PELI2: variants seen among roughly 807,000 people sequenced by gnomAD.
The protein encoded by PELI2 is E3 ubiquitin-protein ligase pellino homolog 2.
PELI2 carries 23 observed loss-of-function variants against 42.3 expected under a neutral mutation model. The observed-to-expected ratio is 0.54, with a 90% CI of 0.39 to 0.77. The LOEUF (loss-of-function observed/expected upper bound fraction) is 0.77. PELI2 is among the 30% of genes least tolerant of loss of function. The probability of loss-of-function intolerance (pLI) is 0.00; values close to 1 mark genes in which losing one functional copy is unlikely to be tolerated. For synonymous variants in PELI2, 245 were observed against 212.2 expected (o/e 1.15, Z -1.34); for missense variants, 463 against 553.2 (o/e 0.84, Z 1.64).
intron 1 of PELI2, among the ~76,000 whole-genome samples, chr14:56,155,242 T>G (rs1036538360): frequency 7.7e-5 from 4 of 51,704 alleles, no homozygotes; most frequent in Non-Finnish European, 1.5e-4. Flanking sequence ...TCTGTTGGGT[T>G]TTTTTTTTTG....
intron 2 of PELI2, among the ~76,000 whole-genome samples, chr14:56,218,126 A>C (rs368548076): frequency 6.6e-6 from 1 of 152,136 alleles, no homozygotes; most frequent in African/African-American, 2.4e-5. Flanking sequence ...GTTTTGCTGG[A>C]CTCCATAGCC....
chr14:56,245,318 C>T (rs1888112552), intron 2 of PELI2, among the ~76,000 whole-genome samples: 1 of 152,012 alleles, frequency 6.6e-6, no homozygotes, highest in Non-Finnish European at 1.5e-5. Flanking sequence ...AGATGTGGAA[C>T]CAGAATATTA....
chr14:56,249,094 A>T (rs1012442842), intron 2 of PELI2, among the ~76,000 whole-genome samples: 15 of 152,124 alleles, frequency 9.9e-5, no homozygotes, highest in African/African-American at 3.6e-4. Flanking sequence ...GATATAGATT[A>T]TGTGATGCTC....
At chr14:56,170,874 CT>C (rs1885141329) in intron 1 of PELI2, among the ~76,000 whole-genome samples, 1 of 152,292 alleles carries the variant, frequency 6.6e-6, no homozygotes, top group Admixed American at 6.5e-5. Flanking sequence ...TATTAAATAA[CT>C]GTTTTTAAGT....
chr14:56,178,133 C>T (rs1885449780), intron 1 of PELI2, among the ~76,000 whole-genome samples: 1 of 152,208 alleles, frequency 6.6e-6, no homozygotes, highest in African/African-American at 2.4e-5. Flanking sequence ...ACTTGTACAT[C>T]ACTCTTAAAT....
rs184959600 is a variant in PELI2 at position 56,219,097 on chromosome 14, G to A, written c.207+40633G>A. On this transcript the variant is annotated intron_variant, in intron 2 of 5. Coordinates refer to ENST00000267460, the MANE Select transcript of PELI2 (RefSeq NM_021255.3). This position sits in a 1 kb window ranked among gnomAD's most constrained non-coding sequence, Gnocchi z 4.1. ...ATAAACAGAACCCTAGGAAGGGAAGGTAGCTTCAAATACAAGCCATTTTAA... is the reference window on the plus strand; with the variant it reads ...ATAAACAGAACCCTAGGAAGGGAAGATAGCTTCAAATACAAGCCATTTTAA... 6.6e-6 allele frequency among the ~76,000 whole-genome samples: 1 copy of A among 152,132 alleles called. No individual in the cohort carries two copies. The highest frequency in any genetic ancestry group is 2.4e-5 in the African/African-American group (1 of 41,450).
rs149371979 is a variant in PELI2 at position 56,204,846 on chromosome 14, A to G, written c.207+26382A>G. On this transcript the variant is annotated intron_variant, in intron 2 of 5. Transcript: ENST00000267460. ...TTAGATCGAGACCATCGTGGCTAAC[A>G]TGGTGAAACCCTGTCTCTACTAAAA... is the stretch of plus-strand genomic sequence containing the variant. Among the ~76,000 whole-genome samples the G allele has an allele frequency of 4.1e-3, 628 of 152,106 alleles. 2 individuals carry two copies. Among genetic ancestry groups the G allele is most frequent in the African/African-American group, 0.015 (611 of 41,498 alleles).
At chr14:56,198,330 T>C (rs1886214437) in intron 2 of PELI2, among the ~76,000 whole-genome samples, 1 of 152,098 alleles carries the variant, frequency 6.6e-6, no homozygotes, top group Non-Finnish European at 1.5e-5. Context: ...GCAGAAGATT[T>C]AGGACTGAGC....
intron 2 of PELI2, among the ~76,000 whole-genome samples, chr14:56,272,507 A>G (rs1265311459): frequency 6.6e-6 from 1 of 152,184 alleles, no homozygotes. Context: ...CATAGTTTCT[A>G]ACATACATGG....
chr14:56,166,545 A>G (rs1318626896), intron 1 of PELI2, among the ~76,000 whole-genome samples: 1 of 152,174 alleles, frequency 6.6e-6, no homozygotes, highest in African/African-American at 2.4e-5. Context: ...CATTTCTTGT[A>G]GGAGGGGTCT....
At chr14:56,283,097 CAG>C (rs1284780108) in intron 3 of PELI2, among the ~76,000 whole-genome samples, 1 of 152,118 alleles carries the variant, frequency 6.6e-6, no homozygotes, top group Non-Finnish European at 1.5e-5. Context: ...CGGAATTTTT[CAG>C]AGTTTCATAG....
intron 1 of PELI2, among the ~76,000 whole-genome samples, chr14:56,169,109 G>A (rs1885074742): frequency 6.6e-6 from 1 of 152,142 alleles, no homozygotes; most frequent in African/African-American, 2.4e-5. Flanking sequence ...AGAAGGAAAG[G>A]GTCTCTTTTG....
At chr14:56,186,120 G>A (rs143405866) in intron 2 of PELI2, among the ~76,000 whole-genome samples, 358 of 152,314 alleles carry the variant, frequency 2.4e-3, no homozygotes, top group Middle Eastern at 0.01. Context: ...CTCATGAGAT[G>A]TGAGGGAAGA....
chr14:56,152,261 G>A (rs983064432), intron 1 of PELI2, among the ~76,000 whole-genome samples: 3 of 152,178 alleles, frequency 2.0e-5, no homozygotes, highest in Non-Finnish European at 4.4e-5. Flanking sequence ...CTTTGGGAAA[G>A]CTTTTTAACC....
intron 1 of PELI2, among the ~76,000 whole-genome samples, chr14:56,120,813 T>C (rs193012473): frequency 1.3e-5 from 2 of 152,314 alleles, no homozygotes; most frequent in Admixed American, 1.3e-4. Flanking sequence ...TATTGGTTTC[T>C]TCGGCTGGAA....
chr14:56,289,523 C>G (rs575049317), intron 4 of PELI2, among the ~76,000 whole-genome samples: 4 of 152,308 alleles, frequency 2.6e-5, no homozygotes, highest in African/African-American at 7.2e-5. Context: ...TCAGTCAGAG[C>G]CCAGTCATGT....
chr14:56,238,654 G>T (rs1038689067), intron 2 of PELI2, among the ~76,000 whole-genome samples: 1 of 152,112 alleles, frequency 6.6e-6, no homozygotes, highest in Non-Finnish European at 1.5e-5. Context: ...TTGTAATAAG[G>T]TTTGTTCTAA....
intron 1 of PELI2, among the ~76,000 whole-genome samples, chr14:56,164,604 G>A (rs1884884057): frequency 6.6e-6 from 1 of 152,134 alleles, no homozygotes; most frequent in Non-Finnish European, 1.5e-5. Flanking sequence ...AATAGTTTGA[G>A]TAGGATTGGT....
intron 2 of PELI2, among the ~76,000 whole-genome samples, chr14:56,192,392 A>G (rs955006319): frequency 3.3e-5 from 5 of 152,080 alleles, no homozygotes; most frequent in Admixed American, 1.3e-4. Context: ...GAGTTTCTCA[A>G]CCTCAGCACC....
Sources: gnomAD v4.1 joint callset for allele counts (sites outside exome capture counted in the v4.1 genomes callset) on GRCh38, gnomAD v4.1.1 for gene constraint, Gnocchi (gnomAD v3.1) non-coding constraint, MANE v1.5 for transcripts, NCBI Gene and HGNC (gene_info 2026-07-23, HGNC 2026-07-21) for gene names.